The following SGCZ variants were observed in gnomAD, a reference collection of about 807,000 sequenced individuals.
The protein encoded by SGCZ is sarcoglycan zeta.
Under a neutral mutation model 41.3 loss-of-function variants are expected in SGCZ, and 40 were observed. That is an observed-to-expected ratio of 0.97 (90% CI 0.75 to 1.26). SGCZ has a LOEUF of 1.26. SGCZ is among the 50% of genes most tolerant of loss of function. The pLI is 0.00. For missense variants in SGCZ, 552 were observed against 369.8 expected (o/e 1.49, Z -4.04); for synonymous variants, 206 against 137.5 (o/e 1.50, Z -3.49).
At chr8:14,590,902 A>G (rs1805219445) in intron 1 of SGCZ, among the ~76,000 whole-genome samples, 1 of 149,340 alleles carries the variant, frequency 6.7e-6, no homozygotes, top group Non-Finnish European at 1.5e-5. Flanking sequence ...TATATTATAA[A>G]GTACATACAC....
At chr8:14,834,880 C>T (rs1328691801) in intron 1 of SGCZ, among the ~76,000 whole-genome samples, 1 of 152,272 alleles carries the variant, frequency 6.6e-6, no homozygotes, top group East Asian at 1.9e-4. Context: ...CCCTCACTTG[C>T]ATCACCTGCA....
chr8:14,876,363 A>G (rs1445989613), intron 1 of SGCZ, among the ~76,000 whole-genome samples: 2 of 152,216 alleles, frequency 1.3e-5, no homozygotes, highest in African/African-American at 4.8e-5. Flanking sequence ...GCATAAGAAG[A>G]CATTCATAGC....
intron 5 of SGCZ, among the ~76,000 whole-genome samples, chr8:14,151,495 A>C (rs1381988668): frequency 6.6e-6 from 1 of 152,144 alleles, no homozygotes; most frequent in Non-Finnish European, 1.5e-5. Flanking sequence ...GATTCAATAT[A>C]GTAAAAATGA....
At chr8:14,901,726 T>A (rs1183299591) in intron 1 of SGCZ, among the ~76,000 whole-genome samples, 6 of 152,114 alleles carry the variant, frequency 3.9e-5, no homozygotes, top group African/African-American at 1.4e-4. Flanking sequence ...TAAAGCTGTG[T>A]CAAGCAACGT....
intron 2 of SGCZ, among the ~76,000 whole-genome samples, chr8:14,425,106 C>T (rs1159989142): frequency 6.6e-6 from 1 of 151,948 alleles, no homozygotes; most frequent in African/African-American, 2.4e-5. Context: ...GATTTGTAAA[C>T]ACTCTTTGTC....
At chr8:14,364,896 A>G (rs879478952) in intron 2 of SGCZ, among the ~76,000 whole-genome samples, 2 of 152,236 alleles carry the variant, frequency 1.3e-5, no homozygotes, top group Admixed American at 6.5e-5. Flanking sequence ...AGTTCTTCTG[A>G]AACTTATTTA....
intron 2 of SGCZ, among the ~76,000 whole-genome samples, chr8:14,347,489 ATAGTT>A (rs2117095237): frequency 6.6e-6 from 1 of 152,220 alleles, no homozygotes; most frequent in Admixed American, 6.5e-5. Context: ...TTTTCACATA[ATAGTT>A]TAGTCACTGC....
At chr8:14,669,091 T>C (rs1228889044) in intron 1 of SGCZ, among the ~76,000 whole-genome samples, 8 of 151,978 alleles carry the variant, frequency 5.3e-5, no homozygotes, top group Admixed American at 5.3e-4. Context: ...TCCCAGCATT[T>C]TGGGAGGCTT....
intron 2 of SGCZ, among the ~76,000 whole-genome samples, chr8:14,433,249 G>C (rs1404510971): frequency 6.6e-6 from 1 of 152,130 alleles, no homozygotes; most frequent in African/African-American, 2.4e-5. Context: ...CCTGCAATCT[G>C]AATAAAGATA....
At chr8:14,776,679 G>C (rs1368064156) in intron 1 of SGCZ, among the ~76,000 whole-genome samples, 1 of 151,660 alleles carries the variant, frequency 6.6e-6, no homozygotes, top group Non-Finnish European at 1.5e-5. Flanking sequence ...ATTTTTAGTA[G>C]AGGCGGGGTT....
At chr8:14,883,986 G>A (rs1285721768) in intron 1 of SGCZ, among the ~76,000 whole-genome samples, 1 of 151,932 alleles carries the variant, frequency 6.6e-6, no homozygotes, top group African/African-American at 2.4e-5. Flanking sequence ...ATTTAGAATA[G>A]CAATCAAGTA....
chr8:14,210,481 A>G (rs550067961), intron 4 of SGCZ, among the ~76,000 whole-genome samples: 1 of 149,170 alleles, frequency 6.7e-6, no homozygotes, highest in Non-Finnish European at 1.5e-5. Context: ...TTTTTTTTTT[A>G]AACAGAGTTT....
chr8:14,338,277 A>T (rs1484099995), intron 2 of SGCZ, among the ~76,000 whole-genome samples: 5 of 152,206 alleles, frequency 3.3e-5, no homozygotes, highest in Non-Finnish European at 7.3e-5. Flanking sequence ...TCTCATTTCA[A>T]TGAAGGATTT....
intron 2 of SGCZ, among the ~76,000 whole-genome samples, chr8:14,407,981 T>C (rs1017245635): frequency 1.3e-5 from 2 of 152,164 alleles, no homozygotes; most frequent in South Asian, 2.1e-4. Context: ...TACGGAGAGA[T>C]AGTTATTTAA....
chr8:14,764,423 A>G (rs1182829017), intron 1 of SGCZ, among the ~76,000 whole-genome samples: 2 of 152,232 alleles, frequency 1.3e-5, no homozygotes, highest in East Asian at 1.9e-4. Context: ...GTGATCACAC[A>G]TGGCTTCTTC....
In SGCZ at chr8:15,127,406, C is replaced by T. The variant is rs114056727; in HGVS notation, c.39+110179G>A. 7.7e-3 allele frequency among the ~76,000 whole-genome samples: 1,167 copies of T among 152,202 alleles called. 7 individuals are homozygous for T. Among genetic ancestry groups the T allele is most frequent in the African/African-American group, 0.027 (1,133 of 41,522 alleles). ...CATTCCGTGTCCTGTATAAATATTT[C>T]AAATTTAAATAACGTAACTCAGGAC... On this transcript the variant is annotated intron_variant, in intron 1 of 7. Coordinates refer to ENST00000382080, the MANE Select transcript of SGCZ (RefSeq NM_139167.4).
chr8:14,698,715 C>T (rs772863780), intron 1 of SGCZ, among the ~76,000 whole-genome samples: 8 of 151,916 alleles, frequency 5.3e-5, no homozygotes, highest in Non-Finnish European at 1.0e-4. Flanking sequence ...AGCTTTAAAT[C>T]AGCACAAGTA....
At chr8:14,125,083 C>A (rs989277598) in intron 5 of SGCZ, among the ~76,000 whole-genome samples, 2 of 152,146 alleles carry the variant, frequency 1.3e-5, no homozygotes, top group African/African-American at 4.8e-5. Flanking sequence ...ATACCACTAA[C>A]AGGGGATGCG....
At chr8:14,930,841 G>A (rs1799904210) in intron 1 of SGCZ, among the ~76,000 whole-genome samples, 1 of 151,834 alleles carries the variant, frequency 6.6e-6, no homozygotes, top group Non-Finnish European at 1.5e-5. Flanking sequence ...GGGGTGAGGG[G>A]CTAGGGGATG....
Sources: allele counts gnomAD v4.1 joint callset (sites outside exome capture counted in the v4.1 genomes callset), GRCh38; gene constraint gnomAD v4.1.1; transcripts MANE v1.5; gene names NCBI Gene and HGNC (gene_info 2026-07-23, HGNC 2026-07-21).